Variants in SOX5 observed in about 807,000 individuals in gnomAD.
The protein encoded by SOX5 is SRY-box transcription factor 5.
Under a neutral mutation model 92.0 loss-of-function variants are expected in SOX5, and 9 were observed. The observed-to-expected ratio is 0.10, with a 90% CI of 0.06 to 0.17. The LOEUF (loss-of-function observed/expected upper bound fraction) is 0.17, where lower values mean the gene tolerates loss of function less well. SOX5 is among the 10% of genes least tolerant of loss of function. The probability of loss-of-function intolerance (pLI) is 1.00; values close to 1 mark genes in which losing one functional copy is unlikely to be tolerated. For missense variants in SOX5, 642 were observed against 944.5 expected (o/e 0.68, Z 4.20); for synonymous variants, 344 against 336.3 (o/e 1.02, Z -0.25).
At chr12:24,063,985 G>T (rs536831102) in intron 4 of SOX5, among the ~76,000 whole-genome samples, 14 of 152,300 alleles carry the variant, frequency 9.2e-5, no homozygotes, top group African/African-American at 3.4e-4. Context: ...TAGAATGACA[G>T]CAGGGAATAA....
rs562103272 is a variant in SOX5 at position 24,383,123 on chromosome 12, G to T, written c.-250-14484C>A. 4.6e-5 allele frequency among the ~76,000 whole-genome samples: 7 copies of T among 152,186 alleles called. No homozygotes were observed. The South Asian group carries it at 6.2e-4, about 14-fold the overall frequency. ...ATTGAGAATGCGATCTCCCTATATT[G>T]CCAAGGCTGGTCACCAACTCCTGGG... On this transcript the variant is annotated intron_variant, in intron 1 of 4. Coordinates refer to the SOX5 transcript ENST00000446891.
intron 9 of SOX5, among the ~76,000 whole-genome samples, chr12:23,592,728 T>C (rs1313861381): frequency 6.6e-6 from 1 of 152,166 alleles, no homozygotes; most frequent in Non-Finnish European, 1.5e-5. Flanking sequence ...ATGAGCAAAA[T>C]TCTTATTTCA....
intron 4 of SOX5, among the ~76,000 whole-genome samples, chr12:24,146,425 C>A (rs1429072543): frequency 1.3e-5 from 2 of 152,018 alleles, no homozygotes; most frequent in East Asian, 3.9e-4. Context: ...TAGAAAGTAT[C>A]TGAACTAAGT....
intron 2 of SOX5, among the ~76,000 whole-genome samples, chr12:23,889,871 A>T (rs1294634813): frequency 2.0e-5 from 3 of 152,204 alleles, no homozygotes; most frequent in Non-Finnish European, 4.4e-5. Context: ...TAACAATTCC[A>T]AGAAAATGTC....
intron 3 of SOX5, among the ~76,000 whole-genome samples, chr12:23,828,075 T>G (rs1191776887): frequency 1.3e-5 from 2 of 152,224 alleles, no homozygotes; most frequent in Non-Finnish European, 2.9e-5. Flanking sequence ...AGGGGTCCCA[T>G]AGATTATAAT....
At chr12:24,250,771 G>C (rs1254260051) in intron 3 of SOX5, among the ~76,000 whole-genome samples, 3 of 152,174 alleles carry the variant, frequency 2.0e-5, no homozygotes, top group Non-Finnish European at 4.4e-5. Flanking sequence ...CAGACTTCCA[G>C]TTCAGAAGAC....
At chr12:23,931,609 A>C (rs961408368) in intron 1 of SOX5, among the ~76,000 whole-genome samples, 4 of 151,782 alleles carry the variant, frequency 2.6e-5, no homozygotes, top group African/African-American at 9.7e-5. Flanking sequence ...TAGAGTTAAA[A>C]GAGAATAGCC....
intron 6 of SOX5, among the ~76,000 whole-genome samples, chr12:23,687,676 C>T (rs986618146): frequency 1.3e-5 from 2 of 151,936 alleles, no homozygotes; most frequent in Non-Finnish European, 2.9e-5. Flanking sequence ...AGTAGCTACA[C>T]AATGGAGAGC....
intron 3 of SOX5, among the ~76,000 whole-genome samples, chr12:23,777,221 G>A (rs544650166): frequency 6.6e-6 from 1 of 152,278 alleles, no homozygotes; most frequent in African/African-American, 2.4e-5. Flanking sequence ...TGTGAGCAAA[G>A]ACCATGATTT....
chr12:23,857,329 A>G (rs944004702), intron 2 of SOX5, among the ~76,000 whole-genome samples: 7 of 152,160 alleles, frequency 4.6e-5, no homozygotes, highest in Admixed American at 2.6e-4. Context: ...AGTGGTATGT[A>G]GAATTAATTG....
chr12:24,150,041 G>A (rs1462943819), intron 4 of SOX5, among the ~76,000 whole-genome samples: 3 of 152,090 alleles, frequency 2.0e-5, no homozygotes, highest in Non-Finnish European at 4.4e-5. Context: ...GGGGTGAAGG[G>A]TATGTTCACT....
At chr12:24,129,857 T>C (rs999266073) in intron 4 of SOX5, among the ~76,000 whole-genome samples, 2 of 152,234 alleles carry the variant, frequency 1.3e-5, no homozygotes, top group Non-Finnish European at 2.9e-5. Context: ...AAGCCAACGT[T>C]AGAGTTTTAG....
At chr12:24,173,659 G>T (rs577954377) in intron 4 of SOX5, among the ~76,000 whole-genome samples, 20 of 152,298 alleles carry the variant, frequency 1.3e-4, no homozygotes, top group African/African-American at 4.6e-4. Flanking sequence ...GAGGAGTTCA[G>T]TAGTTGCTGG....
intron 7 of SOX5, among the ~76,000 whole-genome samples, chr12:23,650,093 C>T (rs140900036): frequency 1.3e-5 from 2 of 152,206 alleles, no homozygotes; most frequent in East Asian, 3.9e-4. Flanking sequence ...ATCAACCCCT[C>T]TCTGACATAC....
intron 4 of SOX5, among the ~76,000 whole-genome samples, chr12:24,135,393 C>T (rs1028592421): frequency 6.6e-6 from 1 of 152,194 alleles, no homozygotes; most frequent in Non-Finnish European, 1.5e-5. Context: ...CCTTGGAATT[C>T]CCTCCCTTAC....
At position 24,402,173 on chromosome 12, in the gene SOX5, C is replaced by A. The variant is rs534693201; in HGVS notation, c.-250-33534G>T. On this transcript the variant is annotated intron_variant, in intron 1 of 4. Transcript: ENST00000446891. The stretch of plus-strand genomic sequence containing the variant: ...TGCCCAATGTTAGTGGGAGTATGGA[C>A]AAGAAAATCCATTTCTACATTAACT... 1.0e-3 allele frequency among the ~76,000 whole-genome samples: 156 copies of A among 152,162 alleles called. 3 individuals carry two copies. The highest frequency in any genetic ancestry group is 1.4e-3 in the Non-Finnish European group (92 of 67,986).
chr12:23,831,822 G>A (rs2096327534), intron 3 of SOX5, among the ~76,000 whole-genome samples: 1 of 151,948 alleles, frequency 6.6e-6, no homozygotes, highest in Admixed American at 6.6e-5. Flanking sequence ...AATAAATGCA[G>A]TTTCTCACAC....
At chr12:24,357,889 T>C (rs1355417353) in intron 2 of SOX5, among the ~76,000 whole-genome samples, 1 of 151,600 alleles carries the variant, frequency 6.6e-6, no homozygotes, top group Non-Finnish European at 1.5e-5. Context: ...TGAAATTGTA[T>C]GCCTCAGTTT....
chr12:23,753,729 C>T (rs1266959650), intron 4 of SOX5, among the ~76,000 whole-genome samples: 1 of 151,720 alleles, frequency 6.6e-6, no homozygotes, highest in Non-Finnish European at 1.5e-5. Context: ...CATTCCTGGG[C>T]CCTACATAAT....
Sources: allele counts gnomAD v4.1 joint callset (sites outside exome capture counted in the v4.1 genomes callset), GRCh38; gene constraint gnomAD v4.1.1; transcripts MANE v1.5; gene names NCBI Gene and HGNC (gene_info 2026-07-23, HGNC 2026-07-21).